DAB1: variants seen among roughly 807,000 people sequenced by gnomAD.
The protein encoded by DAB1 is DAB adaptor protein 1.
A neutral mutation model predicts 64.6 loss-of-function variants in DAB1; 15 were observed. That is an observed-to-expected ratio of 0.23 (90% CI 0.16 to 0.36). The LOEUF (loss-of-function observed/expected upper bound fraction) is 0.36, where lower values mean the gene tolerates loss of function less well. Among genes scored for constraint, DAB1 ranks in the 10% least tolerant of loss-of-function variants. DAB1 has a pLI of 1.00. For synonymous variants in DAB1, 235 were observed against 251.9 expected (o/e 0.93, Z 0.64); for missense variants, 596 against 706.7 (o/e 0.84, Z 1.78).
At chr1:57,099,979 G>A (rs1475149942) in intron 4 of DAB1, among the ~76,000 whole-genome samples, 1 of 152,168 alleles carries the variant, frequency 6.6e-6, no homozygotes, top group East Asian at 1.9e-4. Flanking sequence ...GGTGCTGATA[G>A]AGTAGGAAAG....
At chr1:57,561,929 A>G (rs1645057361) in intron 7 of DAB1, among the ~76,000 whole-genome samples, 1 of 152,258 alleles carries the variant, frequency 6.6e-6, no homozygotes, top group Non-Finnish European at 1.5e-5. Flanking sequence ...TCCTCACTGG[A>G]ATAGACACTT....
intron 2 of DAB1, among the ~76,000 whole-genome samples, chr1:58,510,977 A>G (rs529158843): frequency 1.3e-5 from 2 of 152,204 alleles, no homozygotes; most frequent in African/African-American, 2.4e-5. Context: ...AATTAAAGAC[A>G]ACTCAAATAA....
At chr1:57,296,639 C>T (rs752918664) in intron 1 of DAB1, among the ~76,000 whole-genome samples, 3 of 151,818 alleles carry the variant, frequency 2.0e-5, no homozygotes, top group Non-Finnish European at 4.4e-5. Flanking sequence ...ATTTAAATAC[C>T]GATATAATTA....
At chr1:57,384,886 C>T (rs10889041) in intron 1 of DAB1, among the ~76,000 whole-genome samples, 81,413 of 152,042 alleles carry the variant, frequency 0.54, 22,744 homozygotes, top group African/African-American at 0.63. Context: ...TTTACATGTA[C>T]TTCATATCAC....
intron 7 of DAB1, among the ~76,000 whole-genome samples, chr1:57,438,154 T>C (rs896032454): frequency 2.0e-5 from 3 of 152,184 alleles, no homozygotes; most frequent in African/African-American, 4.8e-5. Flanking sequence ...GCACAAGCCC[T>C]TTAGTTCAGT....
At chr1:58,474,602 C>T (rs1195684552) in intron 3 of DAB1, among the ~76,000 whole-genome samples, 1 of 152,104 alleles carries the variant, frequency 6.6e-6, no homozygotes, top group Non-Finnish European at 1.5e-5. Flanking sequence ...TCATGAATAC[C>T]TTTTAGTTAG....
intron 7 of DAB1, among the ~76,000 whole-genome samples, chr1:57,434,797 T>C (rs1340699188): frequency 6.6e-6 from 1 of 152,130 alleles, no homozygotes; most frequent in South Asian, 2.1e-4. Context: ...TATTTATGTA[T>C]CTAAACATAC....
At chr1:58,264,413 C>A (rs1462188008) in intron 4 of DAB1, among the ~76,000 whole-genome samples, 1 of 152,170 alleles carries the variant, frequency 6.6e-6, no homozygotes, top group East Asian at 1.9e-4. Context: ...ATATAGCCAT[C>A]TTTGACGATT....
chr1:58,374,463 C>T lies in DAB1; in HGVS notation n.258-31060G>A, dbSNP rs1472793552. Among the ~76,000 whole-genome samples, 6 of 151,518 alleles carry T rather than the reference C, an allele frequency of 4.0e-5. No individual in the cohort carries two copies. In the South Asian group the frequency reaches 1.3e-3, roughly 32 times the overall value. On this transcript the variant is annotated intron_variant and non_coding_transcript_variant, in intron 3 of 20. Transcript: ENST00000485760. ...TCCTTTCCCCATTGCTTGTTTTTCT[C>T]AGGTTTGTCAAAGATCACATAGTTG... is the stretch of plus-strand genomic sequence containing the variant.
intron 6 of DAB1, among the ~76,000 whole-genome samples, chr1:57,787,759 G>T (rs995248726): frequency 1.6e-4 from 24 of 151,992 alleles, no homozygotes; most frequent in Admixed American, 2.0e-4. Context: ...ATGTTTATTT[G>T]CAAAACACAC....
intron 3 of DAB1, among the ~76,000 whole-genome samples, chr1:58,397,989 C>A (rs1365645036): frequency 6.6e-6 from 1 of 152,174 alleles, no homozygotes; most frequent in Non-Finnish European, 1.5e-5. Context: ...CTGTCTTCAT[C>A]CCACACCCTT....
rs2100699878 is a variant in DAB1 at position 57,104,029 on chromosome 1, G to T, written c.307-31615C>A. 2.0e-5 allele frequency among the ~76,000 whole-genome samples: 3 copies of T among 152,274 alleles called. 1 individual carries two copies. The South Asian group carries it at 6.2e-4, about 32-fold the overall frequency. ...GTACTGCCAGAGACATGGGGCCCTG[G>T]AGGGTCCTGGGCCTCTCCCTCTACA... On this transcript the variant is annotated intron_variant, in intron 4 of 14. Coordinates refer to ENST00000371236, the MANE Select transcript of DAB1 (RefSeq NM_001365792.1).
At chr1:58,429,927 G>T (rs1569771352) in intron 3 of DAB1, among the ~76,000 whole-genome samples, 1 of 152,320 alleles carries the variant, frequency 6.6e-6, no homozygotes, top group East Asian at 1.9e-4. Context: ...GGTATCTGGT[G>T]AGCATCTACT....
intron 12 of DAB1, among the ~76,000 whole-genome samples, chr1:57,014,038 CA>C (rs1388882255): frequency 6.6e-6 from 1 of 151,864 alleles, no homozygotes; most frequent in East Asian, 1.9e-4. Context: ...TCCAGGACTG[CA>C]AAAAAACACT....
At chr1:58,229,382 C>T (rs1659669790) in intron 4 of DAB1, among the ~76,000 whole-genome samples, 2 of 152,128 alleles carry the variant, frequency 1.3e-5, no homozygotes, top group Admixed American at 1.3e-4. Flanking sequence ...GAATTTTAGA[C>T]CTGGGAAGAG....
chr1:57,771,898 T>C (rs571450095), intron 6 of DAB1, among the ~76,000 whole-genome samples: 2 of 152,278 alleles, frequency 1.3e-5, no homozygotes, highest in South Asian at 2.1e-4. Context: ...CATAGTAATT[T>C]TGAGGTTCAT....
At chr1:58,463,248 G>A (rs1348929335) in intron 3 of DAB1, among the ~76,000 whole-genome samples, 3 of 152,234 alleles carry the variant, frequency 2.0e-5, no homozygotes, top group East Asian at 1.9e-4. Context: ...ACTGAGAGCA[G>A]AGAGCTCCTG....
intron 1 of DAB1, among the ~76,000 whole-genome samples, chr1:58,542,992 A>T (rs1403718801): frequency 6.6e-6 from 1 of 151,366 alleles, no homozygotes; most frequent in East Asian, 1.9e-4. Flanking sequence ...AGCTTTTTTA[A>T]AAAAAAAAAA....
intron 3 of DAB1, among the ~76,000 whole-genome samples, chr1:58,470,210 G>A (rs562180374): frequency 9.3e-4 from 141 of 151,388 alleles, no homozygotes; most frequent in African/African-American, 3.3e-3. Context: ...GTCTCATTCT[G>A]TCACCCAGGT....
Sources: gnomAD v4.1 joint callset for allele counts (sites outside exome capture counted in the v4.1 genomes callset) on GRCh38, gnomAD v4.1.1 for gene constraint, MANE v1.5 for transcripts, NCBI Gene and HGNC (gene_info 2026-07-23, HGNC 2026-07-21) for gene names.